DDX31: variants seen among roughly 807,000 people sequenced by gnomAD.
The protein encoded by DDX31 is ATP-dependent DNA helicase DDX31.
DDX31 carries 70 observed loss-of-function variants against 91.3 expected under a neutral mutation model. That is an observed-to-expected ratio of 0.77 (90% CI 0.63 to 0.94). The LOEUF is 0.94. Among genes scored for constraint, DDX31 ranks in the 40% least tolerant of loss-of-function variants. The probability of loss-of-function intolerance (pLI) is 0.00; values close to 1 mark genes in which losing one functional copy is unlikely to be tolerated. For missense variants in DDX31, 902 were observed against 925.0 expected (o/e 0.98, Z 0.32); for synonymous variants, 362 against 350.6 (o/e 1.03, Z -0.36).
In DDX31 at chr9:132,659,691, G is replaced by C; in HGVS notation, c.523+19C>G. 1 of 1,599,912 alleles carries C rather than the reference G, an allele frequency of 6.3e-7. No individual in the cohort carries two copies. Among genetic ancestry groups the C allele is most frequent in the Non-Finnish European group, 8.5e-7 (1 of 1,171,992 alleles). On this transcript the variant is annotated intron_variant, in intron 5 of 19. Transcript: ENST00000372159. ...GGGCCTGAGCAGATGAAAAAGGGCAGAGATGAAATGAGACTAACCTGAGCC... is the reference window on the plus strand; with the variant it reads ...GGGCCTGAGCAGATGAAAAAGGGCACAGATGAAATGAGACTAACCTGAGCC...
intron 16 of DDX31, among the ~76,000 whole-genome samples, chr9:132,628,936 G>A (rs185451735): frequency 1.3e-5 from 2 of 152,356 alleles, no homozygotes; most frequent in Admixed American, 6.5e-5. Flanking sequence ...GCATTATGAC[G>A]GGCTCCCAGC....
At chr9:132,601,000 T>C (rs777712550) in intron 19 of DDX31, among the ~76,000 whole-genome samples, 1 of 152,170 alleles carries the variant, frequency 6.6e-6, no homozygotes, top group Non-Finnish European at 1.5e-5. Flanking sequence ...ACTGTTAAGA[T>C]GGAGAATACA....
At chr9:132,626,587 G>A (rs569712673) in intron 16 of DDX31, among the ~76,000 whole-genome samples, 1 of 151,984 alleles carries the variant, frequency 6.6e-6, no homozygotes, top group Admixed American at 6.5e-5. Context: ...AGAAGAAGGA[G>A]TTCTGAGGGG....
rs113661183 is a variant in DDX31 at position 132,652,791 on chromosome 9, G to A, written c.589-299C>T. ...ATAATGAATAAGTCTCACGAGATCT[G>A]ATGGGTTTATCAGGGGTTTCTGCTT... On this transcript the variant is annotated intron_variant, in intron 6 of 19. Transcript: ENST00000372159. 6.2e-3 allele frequency among the ~76,000 whole-genome samples: 951 copies of A among 152,288 alleles called. 6 individuals are homozygous for A. The highest frequency in any genetic ancestry group is 0.02 in the African/African-American group (820 of 41,552).
At chr9:132,632,343 T>C (rs1832843296) in intron 14 of DDX31, among the ~76,000 whole-genome samples, 1 of 142,746 alleles carries the variant, frequency 7.0e-6, no homozygotes, top group Non-Finnish European at 1.6e-5. Flanking sequence ...ACTGCAGTCC[T>C]CTTGTGGTTA....
Position 132,662,476 on chromosome 9 carries a change from GTGA to G in DDX31, c.292_294del (p.Ser98del). On this transcript the variant is annotated inframe_deletion, in exon 2 of 20. Transcript: ENST00000372159. Reference sequence around the variant, plus strand: ...GGAATGTCAGGGTTGTTTTTAAACAGTGATGAAGTCTTAATGCACTGTCTCTCC... The same window carrying G: ...GGAATGTCAGGGTTGTTTTTAAACAGTGAAGTCTTAATGCACTGTCTCTCC... 6.2e-7 allele frequency: 1 copy of G among 1,614,232 alleles called. No homozygotes were observed. The highest frequency in any genetic ancestry group is 1.3e-5 in the African/African-American group (1 of 75,062).
intron 6 of DDX31, chr9:132,658,371 G>T: frequency 2.8e-6 from 2 of 703,230 alleles, no homozygotes; most frequent in Non-Finnish European, 5.2e-6. Context: ...ATAACACAGT[G>T]GGGGAGAGAG....
rs545072932 is a variant in DDX31 at position 132,625,869 on chromosome 9, G to A, written c.1632-124C>T. 1.2e-4 allele frequency: 79 copies of A among 650,214 alleles called. No individual in the cohort carries two copies. In the East Asian group the frequency reaches 2.2e-3, roughly 18 times the overall value. 40.3% of individuals were successfully genotyped at this position (650,214 alleles called of 1,614,324 possible). ...TGAAGTAGAAGTGACACCTTCCTAG[G>A]AAAGGAAATATTTTCCTAAACCCTT... is the stretch of plus-strand genomic sequence containing the variant. On this transcript the variant is annotated intron_variant, in intron 16 of 19. Coordinates refer to ENST00000372159, the MANE Select transcript of DDX31 (RefSeq NM_022779.9).
At chr9:132,663,815 C>T (rs541309071) in intron 1 of DDX31, among the ~76,000 whole-genome samples, 27 of 152,230 alleles carry the variant, frequency 1.8e-4, no homozygotes, top group Middle Eastern at 3.4e-3. Context: ...AAAGTAAAAA[C>T]GGACATATTC....
At chr9:132,630,921 C>G (rs1482970699) in intron 15 of DDX31, among the ~76,000 whole-genome samples, 1 of 152,220 alleles carries the variant, frequency 6.6e-6, no homozygotes, top group African/African-American at 2.4e-5. Flanking sequence ...GCCCCAGGAG[C>G]TGGTCCCCAC....
Position 132,612,210 on chromosome 9 carries a change from A to G in DDX31, c.1871T>C (p.Leu624Pro), listed in dbSNP as rs887949772. Residue 624 changes from leucine to proline, a missense_variant, in exon 19 of 20, where the codon CTG becomes CCG. Coordinates refer to ENST00000372159, the MANE Select transcript of DDX31 (RefSeq NM_022779.9). Reference sequence around the variant, plus strand: ...GGATCGGACGTGGAAGATGTGCTTCAGCTCCCTGGGGTAGGTGGCGTAGGC... The same window carrying G: ...GGATCGGACGTGGAAGATGTGCTTCGGCTCCCTGGGGTAGGTGGCGTAGGC... ...IQAYATYPRE[L>P]KHIFHVRSLH... 1 of 1,614,068 alleles carries G rather than the reference A, an allele frequency of 6.2e-7. No homozygotes were observed. The highest frequency in any genetic ancestry group is 8.5e-7 in the Non-Finnish European group (1 of 1,180,028).
intron 14 of DDX31, among the ~76,000 whole-genome samples, chr9:132,640,805 G>A (rs1340210435): frequency 6.6e-6 from 1 of 152,098 alleles, no homozygotes; most frequent in Non-Finnish European, 1.5e-5. Flanking sequence ...ATCACACCTG[G>A]CCCAACAAAT....
At chr9:132,661,164 C>G in intron 4 of DDX31, 44 bp downstream of exon 4, 2 of 1,565,682 alleles carry the variant, frequency 1.3e-6, no homozygotes, top group Non-Finnish European at 1.8e-6. Flanking sequence ...TCCGGTTATA[C>G]CCACGTAATG....
intron 15 of DDX31, 121 bp from the exon 16 acceptor site, chr9:132,630,524 C>A: frequency 1.0e-6 from 1 of 1,004,442 alleles, no homozygotes. Flanking sequence ...CTATGGTTAC[C>A]CTAACACAAT....
chr9:132,624,191 A>AAG (rs1832246908), intron 17 of DDX31, among the ~76,000 whole-genome samples: 1 of 146,108 alleles, frequency 6.8e-6, no homozygotes, highest in African/African-American at 2.5e-5. Flanking sequence ...AAAAAAAAAA[A>AAG]AAGAAGAAAC....
intron 13 of DDX31, among the ~76,000 whole-genome samples, chr9:132,642,749 G>T (rs371454404): frequency 4.0e-5 from 6 of 151,858 alleles, no homozygotes; most frequent in African/African-American, 1.5e-4. Flanking sequence ...CAGGTCATCT[G>T]CTGTGGTGAA....
chr9:132,662,400 A>AT lies in DDX31; in HGVS notation c.332+38dup, dbSNP rs764890920. On this transcript the variant is annotated intron_variant, in intron 2 of 19. Transcript: ENST00000372159. Reference sequence around the variant, plus strand: ...TATTAACAAAGAAAAGGCAGAACACATTTTTTTCTTCCTGAAGGGCATCCG... The same window carrying AT: ...TATTAACAAAGAAAAGGCAGAACACATTTTTTTTCTTCCTGAAGGGCATCCG... The AT allele has an allele frequency of 3.1e-6, 5 of 1,613,576 alleles. No individual in the cohort carries two copies. In the South Asian group the frequency reaches 3.3e-5, roughly 11 times the overall value.
intron 6 of DDX31, among the ~76,000 whole-genome samples, chr9:132,656,481 T>C (rs1375577314): frequency 6.6e-6 from 1 of 152,222 alleles, no homozygotes; most frequent in Admixed American, 6.5e-5. Flanking sequence ...GATGTCACCA[T>C]GCACTGCCCG....
At chr9:132,614,783 T>A (rs1453434127) in intron 18 of DDX31, among the ~76,000 whole-genome samples, 1 of 152,070 alleles carries the variant, frequency 6.6e-6, no homozygotes, top group Non-Finnish European at 1.5e-5. Context: ...TGGCAGGAAG[T>A]GTTTTCTCCC....
Sources: gnomAD v4.1 joint callset for allele counts (sites outside exome capture counted in the v4.1 genomes callset) on GRCh38, gnomAD v4.1.1 for gene constraint, MANE v1.5 for transcripts, NCBI Gene and HGNC (gene_info 2026-07-23, HGNC 2026-07-21) for gene names.